RIMS2: variants seen among roughly 807,000 people sequenced by gnomAD.
RIMS2 encodes regulating synaptic membrane exocytosis 2, also known as regulating synaptic membrane exocytosis protein 2.
Under a neutral mutation model 174.4 loss-of-function variants are expected in RIMS2, and 59 were observed. That is an observed-to-expected ratio of 0.34 (90% confidence interval 0.27 to 0.42). RIMS2 has a LOEUF of 0.42. Among genes scored for constraint, RIMS2 ranks in the 10% least tolerant of loss-of-function variants. The pLI is 1.00. For synonymous variants in RIMS2, 606 were observed against 572.5 expected (o/e 1.06, Z -0.84); for missense variants, 1,620 against 1,666.3 (o/e 0.97, Z 0.48).
At chr8:104,148,255 G>A (rs1403720351) in intron 19 of RIMS2, among the ~76,000 whole-genome samples, 1 of 116,898 alleles carries the variant, frequency 8.6e-6, no homozygotes, top group Non-Finnish European at 1.7e-5. Context: ...GAATGTTTTT[G>A]TAAGCTTCTC....
At chr8:103,615,623 C>T (rs1309599360) in intron 1 of RIMS2, among the ~76,000 whole-genome samples, 2 of 151,780 alleles carry the variant, frequency 1.3e-5, no homozygotes, top group Non-Finnish European at 2.9e-5. Flanking sequence ...TAAAATAGGC[C>T]ACTAGCTAGA....
intron 15 of RIMS2, among the ~76,000 whole-genome samples, chr8:103,965,281 A>T (rs571904286): frequency 6.6e-6 from 1 of 152,258 alleles, no homozygotes; most frequent in East Asian, 1.9e-4. Context: ...GTATTCCTTT[A>T]TATGGAATAT....
intron 2 of RIMS2, among the ~76,000 whole-genome samples, chr8:103,714,642 T>C (rs2097347104): frequency 6.6e-6 from 1 of 152,296 alleles, no homozygotes; most frequent in Admixed American, 6.5e-5. Context: ...AGAATAGTTA[T>C]TGACAGATGA....
rs145549658 is a variant in RIMS2 at position 103,967,675 on chromosome 8, A to G, written c.2770+6542A>G. Among the ~76,000 whole-genome samples the G allele has an allele frequency of 3.0e-3, 463 of 152,126 alleles. 2 individuals carry two copies. The highest frequency in any genetic ancestry group is 0.01 in the African/African-American group (430 of 41,506). Reference sequence around the variant, plus strand: ...TTCATCTATTTCTCTATGCACTTCTATTAGTTTTTGCCTGACATATTTTGA... The same window carrying G: ...TTCATCTATTTCTCTATGCACTTCTGTTAGTTTTTGCCTGACATATTTTGA... On this transcript the variant is annotated intron_variant, in intron 15 of 23. Coordinates refer to ENST00000504942, the Ensembl canonical transcript of RIMS2.
At chr8:104,018,759 A>G (rs75627868) in intron 19 of RIMS2, among the ~76,000 whole-genome samples, 4,549 of 152,278 alleles carry the variant, frequency 0.03, 190 homozygotes, top group African/African-American at 0.098. Context: ...AAATTCCATT[A>G]AAACATTTAT....
chr8:103,649,946 C>T (rs2096417971), intron 1 of RIMS2, among the ~76,000 whole-genome samples: 1 of 152,106 alleles, frequency 6.6e-6, no homozygotes, highest in Non-Finnish European at 1.5e-5. Context: ...CAGCCTCAGC[C>T]CAGTTTGTGC....
chr8:103,945,633 T>C (rs1456132313), intron 14 of RIMS2, among the ~76,000 whole-genome samples: 1 of 152,024 alleles, frequency 6.6e-6, no homozygotes, highest in East Asian at 1.9e-4. Context: ...GTTGATTTAT[T>C]ATCCAAAAGT....
At chr8:104,035,391 A>G (rs1320050406) in intron 19 of RIMS2, among the ~76,000 whole-genome samples, 2 of 151,982 alleles carry the variant, frequency 1.3e-5, no homozygotes, top group Non-Finnish European at 2.9e-5. Flanking sequence ...ATGTGTACAT[A>G]AGCTCCCAGA....
chr8:103,871,906 C>A (rs369744535), intron 3 of RIMS2, among the ~76,000 whole-genome samples: 17 of 152,040 alleles, frequency 1.1e-4, no homozygotes, highest in African/African-American at 3.9e-4. Flanking sequence ...TGAGTTATTG[C>A]TAAATGTCAG....
At chr8:104,239,210 G>T (rs1322780791) in intron 19 of RIMS2, among the ~76,000 whole-genome samples, 2 of 152,130 alleles carry the variant, frequency 1.3e-5, no homozygotes, top group Non-Finnish European at 2.9e-5. Flanking sequence ...AACCAAAAAG[G>T]TTTTCTGGTT....
At chr8:103,538,229 T>A (rs1260529490) in intron 1 of RIMS2, among the ~76,000 whole-genome samples, 1 of 152,316 alleles carries the variant, frequency 6.6e-6, no homozygotes, top group African/African-American at 2.4e-5. Context: ...ATATTGCTTT[T>A]CTTTCTGTTT....
At chr8:103,599,654 C>A (rs367783894) in intron 1 of RIMS2, among the ~76,000 whole-genome samples, 134 of 151,786 alleles carry the variant, frequency 8.8e-4, no homozygotes, top group African/African-American at 3.1e-3. Context: ...CCTCACTATA[C>A]TACCCAGGCT....
chr8:104,214,818 A>G (rs2099122630), intron 19 of RIMS2, among the ~76,000 whole-genome samples: 1 of 152,224 alleles, frequency 6.6e-6, no homozygotes. Flanking sequence ...TGAGTTGGCT[A>G]CTTTGCCCAC....
chr8:103,919,995 A>G (rs1161089182), intron 9 of RIMS2, among the ~76,000 whole-genome samples: 1 of 152,094 alleles, frequency 6.6e-6, no homozygotes, highest in Non-Finnish European at 1.5e-5. Context: ...CAACAATCCT[A>G]TGGGGTAGGT....
intron 19 of RIMS2, among the ~76,000 whole-genome samples, chr8:104,188,220 C>CAGATAGTTAGAT (rs1167916105): frequency 1.1e-5 from 1 of 87,060 alleles, no homozygotes. Flanking sequence ...ATGGTTTGTT[C>CAGATAGTTAGAT]AGATAGATAG....
At chr8:103,620,866 T>G (rs1252766307) in intron 1 of RIMS2, among the ~76,000 whole-genome samples, 2 of 152,214 alleles carry the variant, frequency 1.3e-5, no homozygotes, top group Non-Finnish European at 2.9e-5. Context: ...ATTGTCCTTT[T>G]AAGTATTTAC....
intron 17 of RIMS2, among the ~76,000 whole-genome samples, chr8:104,006,443 A>G (rs1440764301): frequency 6.6e-6 from 1 of 151,988 alleles, no homozygotes; most frequent in African/African-American, 2.4e-5. Flanking sequence ...CCAGCTGCTC[A>G]GGAGGCTGAG....
At chr8:104,155,476 C>T (rs1296656270) in intron 19 of RIMS2, among the ~76,000 whole-genome samples, 8 of 134,056 alleles carry the variant, frequency 6.0e-5, no homozygotes, top group African/African-American at 2.3e-4. Context: ...TACAGTGGCG[C>T]GATCTCGGCT....
rs529891256 is a variant in RIMS2, at chr8:104,036,605, A to C, written c.3334+21990A>C. On this transcript the variant is annotated intron_variant, in intron 19 of 23. Coordinates refer to ENST00000504942, the Ensembl canonical transcript of RIMS2. ...AAAAAATAACCTTTTTAGGCTGGGC[A>C]CAAGAGCTCATACCTGTAATCCCAG... Among the ~76,000 whole-genome samples, 16 of 152,166 alleles carry C rather than the reference A, an allele frequency of 1.1e-4. No homozygotes were observed. In the East Asian group the frequency reaches 2.9e-3, roughly 28 times the overall value.
Sources: allele counts gnomAD v4.1 joint callset (sites outside exome capture counted in the v4.1 genomes callset), GRCh38; gene constraint gnomAD v4.1.1; transcripts MANE v1.5; gene names NCBI Gene and HGNC (gene_info 2026-07-23, HGNC 2026-07-21).